RIMBP2: variants seen among roughly 807,000 people sequenced by gnomAD.
RIMBP2 encodes the protein RIMS binding protein 2, also known as RIMS-binding protein 2.
RIMBP2 carries 48 observed loss-of-function variants against 118.6 expected under a neutral mutation model. That is an observed-to-expected ratio of 0.40 (90% CI 0.32 to 0.51). The LOEUF is 0.51. Ranked by LOEUF, RIMBP2 falls within the 20% of genes least tolerant of loss-of-function variation. The pLI is 0.41. For synonymous variants in RIMBP2, 762 were observed against 742.9 expected, an observed-to-expected ratio of 1.03 and a Z score of -0.42; for missense variants, 1,551 against 1,768.3, an observed-to-expected ratio of 0.88 and a Z score of 2.20.
At chr12:130,444,010 A>C (rs2137211551) in intron 10 of RIMBP2, among the ~76,000 whole-genome samples, 1 of 152,294 alleles carries the variant, frequency 6.6e-6, no homozygotes, top group South Asian at 2.1e-4. Flanking sequence ...TGTCACACAG[A>C]CAATGGAGCC....
At chr12:130,677,747 T>C (rs1566449919) in intron 1 of RIMBP2, among the ~76,000 whole-genome samples, 1 of 152,154 alleles carries the variant, frequency 6.6e-6, no homozygotes, top group Non-Finnish European at 1.5e-5. Flanking sequence ...CCACTAGGCC[T>C]GTGTGTTTCC....
chr12:130,655,696 T>G (rs115625222), intron 1 of RIMBP2, among the ~76,000 whole-genome samples: 1 of 152,190 alleles, frequency 6.6e-6, no homozygotes. Flanking sequence ...CACACATGTA[T>G]ATACAGGCAA....
chr12:130,603,853 G>A (rs546329728), intron 2 of RIMBP2, among the ~76,000 whole-genome samples: 64 of 152,334 alleles, frequency 4.2e-4, no homozygotes, highest in African/African-American at 1.5e-3. Flanking sequence ...CATCATGCTT[G>A]ATACGTGATA....
chr12:130,615,857 T>G (rs1461796007), intron 2 of RIMBP2, among the ~76,000 whole-genome samples: 1 of 152,106 alleles, frequency 6.6e-6, no homozygotes, highest in Non-Finnish European at 1.5e-5. Flanking sequence ...TGGCACCGGT[T>G]TCAAACGTCT....
chr12:130,608,042 A>AT (rs1007206950), intron 2 of RIMBP2, among the ~76,000 whole-genome samples: 9 of 152,042 alleles, frequency 5.9e-5, no homozygotes, highest in East Asian at 1.9e-4. Flanking sequence ...CAAAACATTG[A>AT]TTTTTTTCCT....
At position 130,456,600 on chromosome 12, in the gene RIMBP2, A is replaced by G; in HGVS notation, c.254T>C (p.Ile85Thr). The change falls in exon 7 of 23, where the codon ATT becomes ACT. Residue 85 changes from isoleucine (I) to threonine (T), a missense_variant. Physicochemically the swap from Ile to Thr is moderately conservative, Grantham distance 89. This residue lies in a region of RIMBP2 where 239 missense variants were observed against 256.8 expected (regional missense o/e 0.93). Coordinates refer to ENST00000690449, the MANE Select transcript of RIMBP2 (RefSeq NM_001393629.1). ...LEKFRQHAGKIDLLGGSAVAP... is the reference protein window; with the variant it reads ...LEKFRQHAGKTDLLGGSAVAP... ...CACCGCGCTGCCACCCAGCAGGTCAATCTTGCCAGCGTGCTGCCGGAACTT... is the reference window on the plus strand; with the variant it reads ...CACCGCGCTGCCACCCAGCAGGTCAGTCTTGCCAGCGTGCTGCCGGAACTT... 1 of 1,613,754 alleles carries G rather than the reference A, an allele frequency of 6.2e-7. No individual in the cohort carries two copies. Among genetic ancestry groups the G allele is most frequent in the Non-Finnish European group, 8.5e-7 (1 of 1,179,812 alleles).
chr12:130,667,069 GAGGGAGGAAAAAAT>G (rs2063964404), intron 1 of RIMBP2, among the ~76,000 whole-genome samples: 1 of 108,300 alleles, frequency 9.2e-6, no homozygotes. Flanking sequence ...AGGAAGAAGG[GAGGGAGGAAAAAAT>G]GAGGGAGGGA....
chr12:130,691,192 T>A (rs2136657909), intron 1 of RIMBP2, among the ~76,000 whole-genome samples: 1 of 152,146 alleles, frequency 6.6e-6, no homozygotes, highest in East Asian at 1.9e-4. Context: ...CTACAGTAAC[T>A]CCACACCAGA....
intron 1 of RIMBP2, among the ~76,000 whole-genome samples, chr12:130,650,001 G>A (rs1478327049): frequency 6.6e-6 from 1 of 151,966 alleles, no homozygotes; most frequent in African/African-American, 2.4e-5. Flanking sequence ...CAGAGATGAG[G>A]GAGGTGCAGA....
intron 1 of RIMBP2, chr12:130,633,715 C>T (rs1285070868): frequency 6.6e-6 from 1 of 152,170 alleles, no homozygotes; most frequent in African/African-American, 2.4e-5. Context: ...CAGCCCACAG[C>T]CTAGAAAGAG....
chr12:130,677,834 A>T (rs73159190), intron 1 of RIMBP2, among the ~76,000 whole-genome samples: 36,763 of 152,124 alleles, frequency 0.24, 4,566 homozygotes, highest in African/African-American at 0.28. Context: ...ATTCAGAGCA[A>T]TGTTCATTTT....
At chr12:130,456,794 T>C in intron 6 of RIMBP2, 94 bp from the exon 7 acceptor site, 2 of 857,362 alleles carry the variant, frequency 2.3e-6, no homozygotes, top group Non-Finnish European at 3.6e-6. Context: ...TGTGCACATG[T>C]GCACTGTGTG....
intron 2 of RIMBP2, among the ~76,000 whole-genome samples, chr12:130,587,799 T>C (rs1237610632): frequency 1.5e-5 from 2 of 137,288 alleles, no homozygotes; most frequent in Non-Finnish European, 3.1e-5. Context: ...CTGCACAATG[T>C]GCACATGTAC....
chr12:130,683,227 C>T lies in RIMBP2; in HGVS notation c.-352+32995G>A, dbSNP rs762794684. Among the ~76,000 whole-genome samples the T allele has an allele frequency of 1.6e-4, 25 of 152,138 alleles. No individual in the cohort carries two copies. Among genetic ancestry groups the T allele is most frequent in the African/African-American group, 3.4e-4 (14 of 41,430 alleles). On this transcript the variant is annotated intron_variant, in intron 1 of 22. Coordinates refer to ENST00000690449, the MANE Select transcript of RIMBP2 (RefSeq NM_001393629.1). This position sits in a 1 kb window ranked among gnomAD's most constrained non-coding sequence, Gnocchi z 4.4. Reference sequence around the variant, plus strand: ...ACACACAGACACGGGAAAGCTCACACGGATGGCAGTGGAACCAGAGGTCGG... The same window carrying T: ...ACACACAGACACGGGAAAGCTCACATGGATGGCAGTGGAACCAGAGGTCGG...
intron 2 of RIMBP2, among the ~76,000 whole-genome samples, chr12:130,533,475 C>A (rs2053690939): frequency 6.6e-6 from 1 of 152,186 alleles, no homozygotes. Context: ...TTAGTATAAC[C>A]TTTACAGAAA....
At chr12:130,437,609 G>A (rs553071313) in intron 12 of RIMBP2, among the ~76,000 whole-genome samples, 2 of 152,342 alleles carry the variant, frequency 1.3e-5, no homozygotes, top group East Asian at 3.9e-4. Context: ...TGAGTGTCAG[G>A]TTTATTACCA....
intron 21 of RIMBP2, among the ~76,000 whole-genome samples, chr12:130,405,472 G>A (rs2075075941): frequency 6.6e-6 from 1 of 152,224 alleles, no homozygotes; most frequent in African/African-American, 2.4e-5. Context: ...ACTGGGCTCT[G>A]CGCAGGGTCC....
chr12:130,458,643 G>C (rs1398947868), intron 6 of RIMBP2, among the ~76,000 whole-genome samples: 3 of 152,190 alleles, frequency 2.0e-5, no homozygotes, highest in African/African-American at 7.2e-5. Flanking sequence ...GCCTTCCCAG[G>C]GTGTGGAGAA....
chr12:130,573,414 G>A (rs1291544912), intron 2 of RIMBP2, among the ~76,000 whole-genome samples: 6 of 151,926 alleles, frequency 3.9e-5, no homozygotes, highest in African/African-American at 1.2e-4. Context: ...GACTGTGTGC[G>A]TGTGAGTGTG....
Sources: gnomAD v4.1 joint callset for allele counts (sites outside exome capture counted in the v4.1 genomes callset) on GRCh38, gnomAD v4.1.1 for gene constraint, gnomAD v4.1.1 regional missense constraint, Gnocchi (gnomAD v3.1) non-coding constraint, MANE v1.5 for transcripts, NCBI Gene and HGNC (gene_info 2026-07-23, HGNC 2026-07-21) for gene names.